Variants in CHODL observed in about 807,000 individuals in gnomAD.
CHODL encodes chondrolectin, also known as transmembrane protein MT75.
In CHODL, 29 loss-of-function variants were observed where a neutral mutation model predicts 34.5. That is an observed-to-expected ratio of 0.84 (90% CI 0.63 to 1.15). The LOEUF (loss-of-function observed/expected upper bound fraction) is 1.15, where lower values mean the gene tolerates loss of function less well. Among genes scored for constraint, CHODL ranks in the 50% most tolerant of loss-of-function variants. The pLI is 0.00. For missense variants in CHODL, 332 were observed against 332.5 expected, an observed-to-expected ratio of 1.00 and a Z score of 0.01; for synonymous variants, 125 against 116.1, an observed-to-expected ratio of 1.08 and a Z score of -0.49.
chr21:17,973,405 TTTTC>T (rs1369277723), intron 1 of CHODL, among the ~76,000 whole-genome samples: 13 of 140,746 alleles, frequency 9.2e-5, no homozygotes, highest in Non-Finnish European at 1.6e-4. Context: ...TTTTCTTTTC[TTTTC>T]TTTCTTTCTT....
At chr21:18,128,701 G>GAAT (rs2072613040) in intron 2 of CHODL, among the ~76,000 whole-genome samples, 1 of 152,100 alleles carries the variant, frequency 6.6e-6, no homozygotes, top group African/African-American at 2.4e-5. Flanking sequence ...AAGGAATAGA[G>GAAT]AGTAAGTTGA....
chr21:18,143,152 G>C (rs2072822725), intron 2 of CHODL, among the ~76,000 whole-genome samples: 1 of 152,140 alleles, frequency 6.6e-6, no homozygotes, highest in Non-Finnish European at 1.5e-5. Flanking sequence ...TGAATTGATA[G>C]TTACATAAAT....
chr21:18,206,863 CATTATTATT>C (rs138294885), intron 2 of CHODL, among the ~76,000 whole-genome samples: 2,804 of 146,036 alleles, frequency 0.019, 84 homozygotes, highest in African/African-American at 0.063. Context: ...TCTTATAACC[CATTATTATT>C]ATTATTATTA....
At chr21:18,097,090 A>T (rs956236988) in intron 2 of CHODL, among the ~76,000 whole-genome samples, 2 of 152,210 alleles carry the variant, frequency 1.3e-5, no homozygotes, top group Admixed American at 6.6e-5. Context: ...TCAAAGCTGT[A>T]TATGACAGAC....
chr21:18,218,328 T>A (rs2073850529), intron 2 of CHODL, among the ~76,000 whole-genome samples: 1 of 152,206 alleles, frequency 6.6e-6, no homozygotes, highest in African/African-American at 2.4e-5. Context: ...CAACAGCATG[T>A]GGAAGCTGCT....
At chr21:18,265,294 C>T (rs868506268) in intron 5 of CHODL, among the ~76,000 whole-genome samples, 6,275 of 136,536 alleles carry the variant, frequency 0.046, 459 homozygotes, top group African/African-American at 0.17. Flanking sequence ...TATATACACA[C>T]ACACACACAC....
At chr21:18,117,154 C>G (rs2065422983) in intron 2 of CHODL, among the ~76,000 whole-genome samples, 1 of 152,180 alleles carries the variant, frequency 6.6e-6, no homozygotes. Flanking sequence ...ACCTCATGAG[C>G]TGTCATAATA....
In CHODL at chr21:17,946,228, T is replaced by C. The variant is rs549550554; in HGVS notation, c.-145+28828T>C. Among the ~76,000 whole-genome samples, 14 of 152,212 alleles carry C rather than the reference T, an allele frequency of 9.2e-5. No individual in the cohort carries two copies. The East Asian group carries it at 1.4e-3, about 15-fold the overall frequency. On this transcript the variant is annotated intron_variant, in intron 1 of 6. Transcript: ENST00000400127. ...GGCAGGAGATTGAGACCATCCTGGCTAACATGGTGAAACCCCGTCTCTACT... is the reference window on the plus strand; with the variant it reads ...GGCAGGAGATTGAGACCATCCTGGCCAACATGGTGAAACCCCGTCTCTACT...
chr21:18,145,962 T>TTTG (rs757189150), intron 2 of CHODL, among the ~76,000 whole-genome samples: 7 of 144,004 alleles, frequency 4.9e-5, no homozygotes, highest in Admixed American at 6.8e-5. Flanking sequence ...GGTTTTGTTT[T>TTTG]TTGTTGTTGT....
intron 2 of CHODL, among the ~76,000 whole-genome samples, chr21:18,127,669 A>ATTTTTTTT (rs1285324385): frequency 2.6e-5 from 2 of 76,672 alleles, no homozygotes; most frequent in African/African-American, 1.1e-4. Context: ...TTGCGTTGCC[A>ATTTTTTTT]TTGTTTTTTT....
chr21:18,176,610 T>C (rs1341251208), intron 2 of CHODL, among the ~76,000 whole-genome samples: 1 of 152,174 alleles, frequency 6.6e-6, no homozygotes, highest in African/African-American at 2.4e-5. Flanking sequence ...TCTAATGCTA[T>C]CTATTGTCCT....
chr21:18,220,751 A>G (rs1191135134), intron 2 of CHODL, among the ~76,000 whole-genome samples: 2 of 151,150 alleles, frequency 1.3e-5, no homozygotes, highest in African/African-American at 4.9e-5. Flanking sequence ...TTCTGCTGAG[A>G]TATCTGTGAT....
At position 18,104,851 on chromosome 21, in the gene CHODL, A is replaced by G. The variant is rs1016131602; in HGVS notation, c.-45+76880A>G. The stretch of plus-strand genomic sequence containing the variant: ...AATCTATTTTAAAAGATTTCTAACC[A>G]TAATGGTTACCATTAAGTGTGGTCT... On this transcript the variant is annotated intron_variant, in intron 2 of 6. Coordinates refer to the CHODL transcript ENST00000400127. 3.9e-5 allele frequency among the ~76,000 whole-genome samples: 6 copies of G among 152,364 alleles called. No homozygotes were observed. The East Asian group carries it at 9.6e-4, about 25-fold the overall frequency.
At chr21:18,220,886 C>T (rs925418937) in intron 2 of CHODL, among the ~76,000 whole-genome samples, 4 of 152,104 alleles carry the variant, frequency 2.6e-5, no homozygotes, top group Admixed American at 2.6e-4. Context: ...TTTTTGGGTT[C>T]AATTCATTTG....
intron 2 of CHODL, among the ~76,000 whole-genome samples, chr21:18,066,735 G>T (rs2146492775): frequency 6.6e-6 from 1 of 152,250 alleles, no homozygotes; most frequent in Non-Finnish European, 1.5e-5. Context: ...TAGAGATAGG[G>T]TCTTTAAAGG....
At chr21:18,067,406 A>G (rs1021205226) in intron 2 of CHODL, among the ~76,000 whole-genome samples, 1 of 152,204 alleles carries the variant, frequency 6.6e-6, no homozygotes, top group Non-Finnish European at 1.5e-5. Flanking sequence ...GTAGACATGT[A>G]CAAAAGAATG....
chr21:18,103,641 G>A (rs2065240767), intron 2 of CHODL, among the ~76,000 whole-genome samples: 1 of 152,136 alleles, frequency 6.6e-6, no homozygotes, highest in Non-Finnish European at 1.5e-5. Context: ...CTTCTCTCAT[G>A]TGTCTGGAGC....
At chr21:17,926,769 T>C (rs1168997854) in intron 1 of CHODL, among the ~76,000 whole-genome samples, 4 of 152,114 alleles carry the variant, frequency 2.6e-5, no homozygotes, top group Non-Finnish European at 4.4e-5. Context: ...AGCCAAACCA[T>C]ATCACCAAGT....
chr21:17,933,435 G>C (rs1379474321), intron 1 of CHODL, among the ~76,000 whole-genome samples: 1 of 152,194 alleles, frequency 6.6e-6, no homozygotes, highest in African/African-American at 2.4e-5. Flanking sequence ...AGGGAGTGGT[G>C]ATGACTCTTA....
Sources: allele counts gnomAD v4.1 joint callset (sites outside exome capture counted in the v4.1 genomes callset), GRCh38; gene constraint gnomAD v4.1.1; transcripts MANE v1.5; gene names NCBI Gene and HGNC (gene_info 2026-07-23, HGNC 2026-07-21).